PTK2: variants seen among roughly 807,000 people sequenced by gnomAD.
PTK2 encodes protein tyrosine kinase 2.
A neutral mutation model predicts 150.1 loss-of-function variants in PTK2; 45 were observed. That is an observed-to-expected ratio of 0.30 (90% CI 0.24 to 0.38). The LOEUF (loss-of-function observed/expected upper bound fraction) is 0.38. Among genes scored for constraint, PTK2 ranks in the 10% least tolerant of loss-of-function variants. The pLI is 1.00. For synonymous variants in PTK2, 432 were observed against 449.2 expected, an observed-to-expected ratio of 0.96 and a Z score of 0.48; for missense variants, 919 against 1,307.3, an observed-to-expected ratio of 0.70 and a Z score of 4.58.
chr8:140,678,739 T>C (rs910796248), intron 27 of PTK2, among the ~76,000 whole-genome samples: 8 of 151,354 alleles, frequency 5.3e-5, no homozygotes, highest in South Asian at 2.1e-4. Context: ...GGGAGAAGAG[T>C]AGCTTCGAGA....
chr8:140,716,953 T>C (rs1159425889), intron 23 of PTK2, among the ~76,000 whole-genome samples: 3 of 152,146 alleles, frequency 2.0e-5, no homozygotes, highest in African/African-American at 7.2e-5. Flanking sequence ...CCCCCAGCCA[T>C]GGCATGGCCC....
At chr8:140,822,830 A>G (rs924902193) in intron 8 of PTK2, among the ~76,000 whole-genome samples, 9 of 152,238 alleles carry the variant, frequency 5.9e-5, no homozygotes, top group African/African-American at 9.6e-5. Context: ...TGTCTCTGCC[A>G]TAACAACTTG....
At chr8:140,752,499 T>C (rs922537052) in intron 16 of PTK2, among the ~76,000 whole-genome samples, 183 bp from the exon 20 acceptor site, 2 of 152,078 alleles carry the variant, frequency 1.3e-5, no homozygotes, top group Admixed American at 1.3e-4. Context: ...CTGAGAAAAA[T>C]GGTCATGCAC....
chr8:140,704,547 T>C (rs2100032623), intron 24 of PTK2, among the ~76,000 whole-genome samples: 1 of 152,136 alleles, frequency 6.6e-6, no homozygotes, highest in African/African-American at 2.4e-5. Flanking sequence ...ACAGCTTGTC[T>C]CATTAAGCAG....
chr8:140,938,349 A>G (rs11775547), intron 1 of PTK2, among the ~76,000 whole-genome samples: 63,482 of 152,028 alleles, frequency 0.42, 15,179 homozygotes, highest in Non-Finnish European at 0.55. Context: ...ACAAAACACT[A>G]AAAGAAACTA....
Position 140,820,076 on chromosome 8 carries a change from G to GTTTTTTTT in PTK2, c.649-1064_649-1057dup, listed in dbSNP as rs370537018. Among the ~76,000 whole-genome samples, 57 of 50,254 alleles carry GTTTTTTTT rather than the reference G, an allele frequency of 1.1e-3. 11 individuals are homozygous for GTTTTTTTT. Among genetic ancestry groups the GTTTTTTTT allele is most frequent in the Non-Finnish European group, 1.8e-3 (42 of 23,966 alleles). The allele number at this position is 50,254 out of a possible 152,430, so 33.0% of individuals were successfully genotyped here. A position where few individuals can be genotyped will look rare whatever the true frequency, so the allele number is the denominator to read the frequency against. ...AGAGGAGTGACTTTATCTGACTTTGGTTTTTTTTTTTTTTTTTTTTTTTTT... is the reference window on the plus strand; with the variant it reads ...AGAGGAGTGACTTTATCTGACTTTGGTTTTTTTTTTTTTTTTTTTTTTTTTTTTTTTTT... On this transcript the variant is annotated intron_variant, in intron 8 of 31. Transcript: ENST00000522684.
intron 1 of PTK2, among the ~76,000 whole-genome samples, chr8:140,988,477 C>A (rs1438859289): frequency 1.3e-5 from 2 of 152,158 alleles, no homozygotes; most frequent in Non-Finnish European, 2.9e-5. Flanking sequence ...TGCCTGTAAT[C>A]CCAGCACTTT....
chr8:140,866,358 C>T (rs2100139269), intron 4 of PTK2, among the ~76,000 whole-genome samples: 1 of 152,300 alleles, frequency 6.6e-6, no homozygotes, highest in Admixed American at 6.5e-5. Context: ...TCTTAACATC[C>T]AGCATTCTGA....
Position 140,846,642 on chromosome 8 carries a change from C to G in PTK2, c.487G>C (p.Val163Leu). The G allele has an allele frequency of 6.2e-7, 1 of 1,612,618 alleles. No individual in the cohort carries two copies. Among genetic ancestry groups the G allele is most frequent in the South Asian group, 1.1e-5 (1 of 90,936 alleles). ...AACTTCAAAGCAATTTCCTGGTCCA[C>G]TTGATCAGCTATCTCTAACATATAA... Residue 163 changes from valine to leucine, a missense_variant, in exon 6 of 32, where the codon GTG becomes CTG. Physicochemically the swap from Val to Leu is conservative, Grantham distance 32. Coordinates refer to ENST00000522684, the Ensembl canonical transcript of PTK2.
chr8:140,818,215 T>C, intron 10 of PTK2, 62 bp downstream of exon 10: 1 of 1,424,936 alleles, frequency 7.0e-7, no homozygotes, highest in East Asian at 2.3e-5. Flanking sequence ...GAATGCCCCA[T>C]TTCCTTAATT....
chr8:140,934,644 TAA>T (rs2100173006), intron 1 of PTK2: 2 of 152,154 alleles, frequency 1.3e-5, no homozygotes, highest in South Asian at 4.1e-4. Flanking sequence ...CAGAACGCTC[TAA>T]GAGATCTAAA....
intron 1 of PTK2, among the ~76,000 whole-genome samples, chr8:140,986,601 T>C (rs1050285026): frequency 5.3e-5 from 8 of 152,154 alleles, no homozygotes; most frequent in Non-Finnish European, 1.0e-4. Flanking sequence ...AATAAAAGAC[T>C]GGGTCCTCCA....
chr8:140,727,148 T>C (rs1475573305), intron 22 of PTK2, among the ~76,000 whole-genome samples: 1 of 152,158 alleles, frequency 6.6e-6, no homozygotes, highest in African/African-American at 2.4e-5. Context: ...GGATGTTAAG[T>C]TATTGGTTTC....
chr8:140,808,362 G>C (rs2100099328), intron 10 of PTK2, among the ~76,000 whole-genome samples: 1 of 152,158 alleles, frequency 6.6e-6, no homozygotes, highest in Non-Finnish European at 1.5e-5. Context: ...AATGTGAGAA[G>C]TGCAGTGCAA....
intron 5 of PTK2, among the ~76,000 whole-genome samples, chr8:140,849,503 A>G (rs2100127817): frequency 1.3e-5 from 2 of 152,262 alleles, no homozygotes; most frequent in South Asian, 4.1e-4. Flanking sequence ...AAACTGATCA[A>G]GCATTTAGGT....
chr8:140,822,098 A>G (rs925722247), intron 8 of PTK2: 4 of 152,208 alleles, frequency 2.6e-5, no homozygotes, highest in Non-Finnish European at 5.9e-5. Context: ...TAAATTAACA[A>G]TATAGTACCT....
chr8:140,884,051 C>T (rs573322531), intron 3 of PTK2, among the ~76,000 whole-genome samples: 2 of 152,062 alleles, frequency 1.3e-5, no homozygotes, highest in South Asian at 2.1e-4. Context: ...TCCCACTGAC[C>T]ACGGTTAAGA....
Position 140,697,454 on chromosome 8 carries a change from G to T in PTK2, c.2499+3437C>A, listed in dbSNP as rs542501905. Reference sequence around the variant, plus strand: ...TGTGTGTGTGTGTGTGTGTGTGTGTGTTTTTAAACGGAGTCTTGCTCTGTT... The same window carrying T: ...TGTGTGTGTGTGTGTGTGTGTGTGTTTTTTTAAACGGAGTCTTGCTCTGTT... On this transcript the variant is annotated intron_variant, in intron 26 of 31. Transcript: ENST00000522684. Among the ~76,000 whole-genome samples the T allele has an allele frequency of 2.9e-3, 387 of 134,368 alleles. 6 individuals carry two copies. The East Asian group carries it at 0.066, about 23-fold the overall frequency. The allele number at this position is 134,368 out of a possible 152,430, so 88.2% of individuals were successfully genotyped here. A position where few individuals can be genotyped will look rare whatever the true frequency, so the allele number is the denominator to read the frequency against.
intron 2 of PTK2, among the ~76,000 whole-genome samples, chr8:140,896,242 T>C (rs1284325204): frequency 6.6e-6 from 1 of 152,196 alleles, no homozygotes; most frequent in Non-Finnish European, 1.5e-5. Context: ...TTAAGAAATA[T>C]TAATCTTACA....
Sources: allele counts gnomAD v4.1 joint callset (sites outside exome capture counted in the v4.1 genomes callset), GRCh38; gene constraint gnomAD v4.1.1; transcripts MANE v1.5; gene names NCBI Gene and HGNC (gene_info 2026-07-23, HGNC 2026-07-21).